Variants in ASAP1 observed in about 807,000 individuals in gnomAD.
ASAP1 encodes arf-GAP with SH3 domain, ANK repeat and PH domain-containing protein 1.
A neutral mutation model predicts 145.2 loss-of-function variants in ASAP1; 43 were observed. That is an observed-to-expected ratio of 0.30 (90% confidence interval 0.23 to 0.38). The LOEUF is 0.38. Among genes scored for constraint, ASAP1 ranks in the 10% least tolerant of loss-of-function variants. ASAP1 has a pLI of 1.00. For missense variants in ASAP1, 1,018 were observed against 1,355.3 expected (o/e 0.75, Z 3.91); for synonymous variants, 546 against 515.5 (o/e 1.06, Z -0.80).
intron 28 of ASAP1, 83 bp from the exon 29 acceptor site, chr8:130,058,159 C>T (rs1423632808): frequency 5.3e-6 from 8 of 1,511,000 alleles, no homozygotes; most frequent in South Asian, 3.5e-5. Context: ...AATGGTTGAC[C>T]TTGGCCAGTA....
At chr8:130,129,868 G>A (rs1272579211) in intron 15 of ASAP1, among the ~76,000 whole-genome samples, 1 of 152,086 alleles carries the variant, frequency 6.6e-6, no homozygotes, top group Non-Finnish European at 1.5e-5. Context: ...CAGAAGGAAT[G>A]GGGGGATTTT....
chr8:130,234,364 G>A (rs912255857), intron 4 of ASAP1, among the ~76,000 whole-genome samples: 7 of 152,150 alleles, frequency 4.6e-5, no homozygotes, highest in South Asian at 2.1e-4. Context: ...AACCTAGGAG[G>A]AGGGCACACA....
intron 2 of ASAP1, among the ~76,000 whole-genome samples, chr8:130,365,425 A>G (rs759703597): frequency 3.3e-5 from 5 of 152,186 alleles, no homozygotes; most frequent in African/African-American, 7.2e-5. Flanking sequence ...ACAACCTCCA[A>G]TGAAGAAAAA....
intron 2 of ASAP1, among the ~76,000 whole-genome samples, chr8:130,363,162 A>G (rs1265221037): frequency 6.6e-6 from 1 of 152,218 alleles, no homozygotes; most frequent in East Asian, 1.9e-4. Context: ...GCAGGGTCTC[A>G]GACATCCTAA....
intron 24 of ASAP1, among the ~76,000 whole-genome samples, chr8:130,102,998 CTGT>C (rs1355139728): frequency 5.5e-4 from 16 of 28,972 alleles, no homozygotes; most frequent in African/African-American, 2.2e-3. Context: ...GCCTAGCTGT[CTGT>C]TTTTTAAAGA....
At chr8:130,347,291 T>C (rs117728292) in intron 3 of ASAP1, among the ~76,000 whole-genome samples, 19 of 152,316 alleles carry the variant, frequency 1.2e-4, no homozygotes, top group Non-Finnish European at 2.4e-4. Flanking sequence ...GGCAGCACAG[T>C]GCTCTGACCA....
intron 13 of ASAP1, among the ~76,000 whole-genome samples, chr8:130,142,842 A>G (rs1464176551): frequency 6.6e-6 from 1 of 151,030 alleles, no homozygotes; most frequent in African/African-American, 2.4e-5. Context: ...TGGAGAAAGC[A>G]GAGTGGCCAG....
intron 25 of ASAP1, chr8:130,083,491 T>C (rs1449064811): frequency 6.6e-6 from 1 of 152,226 alleles, no homozygotes; most frequent in Non-Finnish European, 1.5e-5. Context: ...TGGCTTTGAA[T>C]TCTAGCTGTA....
At chr8:130,102,336 C>T (rs1355908265) in intron 24 of ASAP1, among the ~76,000 whole-genome samples, 3 of 152,122 alleles carry the variant, frequency 2.0e-5, no homozygotes, top group Non-Finnish European at 4.4e-5. Context: ...AATGCTTTTT[C>T]TGCATCCATT....
intron 5 of ASAP1, among the ~76,000 whole-genome samples, chr8:130,189,716 T>G (rs983965609): frequency 6.6e-6 from 1 of 152,196 alleles, no homozygotes; most frequent in Non-Finnish European, 1.5e-5. Flanking sequence ...TTTTTAGTTT[T>G]CTGAGGAGCC....
chr8:130,100,573 C>T (rs2097527029), intron 24 of ASAP1, among the ~76,000 whole-genome samples: 1 of 152,138 alleles, frequency 6.6e-6, no homozygotes, highest in Non-Finnish European at 1.5e-5. Flanking sequence ...AGGCAATCTA[C>T]CCACCTCGGC....
chr8:130,145,890 G>C (rs545627718), intron 13 of ASAP1, among the ~76,000 whole-genome samples: 1 of 151,356 alleles, frequency 6.6e-6, no homozygotes, highest in African/African-American at 2.4e-5. Context: ...CGCCCAGGGT[G>C]GGGTACGGTG....
At chr8:130,249,873 A>G (rs1037455340) in intron 3 of ASAP1, among the ~76,000 whole-genome samples, 9 of 152,074 alleles carry the variant, frequency 5.9e-5, no homozygotes, top group Non-Finnish European at 8.8e-5. Flanking sequence ...TCTGGTTCTC[A>G]GCTTCCTGAC....
chr8:130,197,507 G>A (rs1435089876), intron 5 of ASAP1, among the ~76,000 whole-genome samples: 1 of 152,248 alleles, frequency 6.6e-6, no homozygotes, highest in Non-Finnish European at 1.5e-5. Context: ...CCAGGCCACA[G>A]AGGTGGCTCG....
At chr8:130,429,876 C>T (rs1021915087) in intron 1 of ASAP1, among the ~76,000 whole-genome samples, 5 of 152,190 alleles carry the variant, frequency 3.3e-5, no homozygotes, top group African/African-American at 1.2e-4. Flanking sequence ...TATGCAAACT[C>T]CTCAATTTGT....
intron 1 of ASAP1, among the ~76,000 whole-genome samples, chr8:130,428,553 TACCACCATCATC>T (rs971288345): frequency 1.3e-4 from 14 of 110,104 alleles, no homozygotes; most frequent in African/African-American, 3.9e-4. Context: ...ATCATATAAC[TACCACCATCATC>T]ACCACCATCA....
At chr8:130,399,889 G>A (rs1169612724) in intron 2 of ASAP1, among the ~76,000 whole-genome samples, 6 of 143,834 alleles carry the variant, frequency 4.2e-5, no homozygotes, top group Admixed American at 3.6e-4. Flanking sequence ...GCGCAATCTC[G>A]GCTCACCAAA....
At chr8:130,375,974 AC>A (rs1364967187) in intron 2 of ASAP1, among the ~76,000 whole-genome samples, 1 of 152,132 alleles carries the variant, frequency 6.6e-6, no homozygotes, top group African/African-American at 2.4e-5. Context: ...GAGTTAATTT[AC>A]CTCTACCCCT....
At chr8:130,356,386 A>G (rs1826307140) in intron 3 of ASAP1, among the ~76,000 whole-genome samples, 1 of 152,226 alleles carries the variant, frequency 6.6e-6, no homozygotes, top group African/African-American at 2.4e-5. Flanking sequence ...AGTATATACA[A>G]TTAGTACAGA....
Sources: allele counts gnomAD v4.1 joint callset (sites outside exome capture counted in the v4.1 genomes callset), GRCh38; gene constraint gnomAD v4.1.1; transcripts MANE v1.5; gene names NCBI Gene and HGNC (gene_info 2026-07-23, HGNC 2026-07-21).